Variants in TXLNA observed in about 807,000 individuals in gnomAD.
TXLNA encodes the protein taxilin alpha, also known as alpha-taxilin.
In TXLNA, 9 loss-of-function variants were observed where a neutral mutation model predicts 61.4. That is an observed-to-expected ratio of 0.15 (90% CI 0.09 to 0.26). TXLNA has a LOEUF of 0.26. Ranked by LOEUF, TXLNA falls within the 10% of genes least tolerant of loss-of-function variation. TXLNA has a pLI of 1.00. For missense variants in TXLNA, 565 were observed against 688.8 expected (o/e 0.82, Z 2.01); for synonymous variants, 257 against 267.7 (o/e 0.96, Z 0.39).
Position 32,181,483 on chromosome 1 carries a change from G to C in TXLNA, c.411G>C (p.Lys137Asn). Reference protein sequence around the residue: ...PVVNGEKEPSKGDPNTEEIRQ... With the variant: ...PVVNGEKEPSNGDPNTEEIRQ... ...TCAATGGAGAGAAGGAACCCTCCAAGGGGGATCCAAACACAGAAGAGATCC... is the reference window on the plus strand; with the variant it reads ...TCAATGGAGAGAAGGAACCCTCCAACGGGGATCCAAACACAGAAGAGATCC... The change falls in exon 3 of 11, where the codon AAG becomes AAC. Residue 137 changes from lysine to asparagine, a missense_variant. Lys to Asn is a moderately conservative substitution (Grantham distance 94). This residue lies in a region of TXLNA where 192 missense variants were observed against 184.8 expected (regional missense o/e 1.04). Transcript: ENST00000373610. 1 of 1,611,918 alleles carries C rather than the reference G, an allele frequency of 6.2e-7. No individual in the cohort carries two copies. The highest frequency in any genetic ancestry group is 8.5e-7 in the Non-Finnish European group (1 of 1,179,012).
Position 32,195,020 on chromosome 1 carries a change from G to A in TXLNA, c.1466G>A (p.Ser489Asn), listed in dbSNP as rs1315113578. The change falls in exon 11 of 11, where the codon AGT becomes AAT. Residue 489 changes from serine (S) to asparagine (N), a missense_variant. Physicochemically the swap from Ser to Asn is conservative, Grantham distance 46 (BLOSUM62 1). Transcript: ENST00000373610. ...CTGAACAAGAGGGTACAGGACCTGA[G>A]TGCTGGTGGCCAGGGCTCCCTCACT... ...NDLNKRVQDLSAGGQGSLTDS... is the reference protein window; with the variant it reads ...NDLNKRVQDLNAGGQGSLTDS... 6.2e-7 allele frequency: 1 copy of A among 1,614,078 alleles called. No individual in the cohort carries two copies. Among genetic ancestry groups the A allele is most frequent in the African/African-American group, 1.3e-5 (1 of 74,942 alleles).
chr1:32,183,184 C>T (rs1384942446), intron 3 of TXLNA, among the ~76,000 whole-genome samples: 2 of 151,968 alleles, frequency 1.3e-5, no homozygotes, highest in Middle Eastern at 3.4e-3. Flanking sequence ...AGTGCACTGG[C>T]GCGATCTCAG....
chr1:32,193,152 C>T lies in TXLNA; in HGVS notation c.1159-56C>T, dbSNP rs566674778. ...TCAAGGACGGGTCTGAGTGTGTTGA[C>T]CAGAGTGCCTCCCAGAGAAACCCAG... On this transcript the variant is annotated intron_variant, in intron 8 of 10. Coordinates refer to ENST00000373610, the MANE Select transcript of TXLNA (RefSeq NM_175852.4). 1.0e-5 allele frequency: 12 copies of T among 1,183,590 alleles called. No individual in the cohort carries two copies. In the African/African-American group the frequency reaches 1.2e-4, roughly 12 times the overall value. The allele number at this position is 1,183,590 out of a possible 1,614,324, so 73.3% of individuals were successfully genotyped here.
Position 32,196,017 on chromosome 1 carries a change from A to T in TXLNA, c.*822A>T, listed in dbSNP as rs1569639302. On this transcript the variant is annotated 3_prime_UTR_variant, in exon 11 of 11. Transcript: ENST00000373610. The stretch of plus-strand genomic sequence containing the variant: ...TCTTTTTCTTTTTTTTTTGCACATG[A>T]CAGTGTTTGTATTGAGGACCTTCCA... 1.1e-5 allele frequency: 2 copies of T among 176,872 alleles called. No individual in the cohort carries two copies. Among genetic ancestry groups the T allele is most frequent in the African/African-American group, 3.2e-5 (1 of 30,862 alleles). The allele number at this position is 176,872 out of a possible 1,614,324, so 11.0% of individuals were successfully genotyped here.
At chr1:32,190,297 T>G in intron 6 of TXLNA, 48 bp downstream of exon 6, 1 of 1,537,082 alleles carries the variant, frequency 6.5e-7, no homozygotes, top group Non-Finnish European at 8.8e-7. Flanking sequence ...TGTGAGGTTT[T>G]GAGTGTGTGC....
chr1:32,195,414 G>T lies in TXLNA; in HGVS notation c.*219G>T. On this transcript the variant is annotated 3_prime_UTR_variant, in exon 11 of 11. Coordinates refer to ENST00000373610, the MANE Select transcript of TXLNA (RefSeq NM_175852.4). ...ATTTATACCTGTAAGTGTACAGTGGGCTTGCATTGGGGATGGGGGTGTGTA... is the reference window on the plus strand; with the variant it reads ...ATTTATACCTGTAAGTGTACAGTGGTCTTGCATTGGGGATGGGGGTGTGTA... 1 of 591,910 alleles carries T rather than the reference G, an allele frequency of 1.7e-6. No individual in the cohort carries two copies. The highest frequency in any genetic ancestry group is 1.9e-5 in the African/African-American group (1 of 53,902). 36.7% of individuals were successfully genotyped at this position (591,910 alleles called of 1,614,324 possible). A position where few individuals can be genotyped will look rare whatever the true frequency, so the allele number is the denominator to read the frequency against.
chr1:32,181,152 A>G, intron 2 of TXLNA, 90 bp from the exon 3 acceptor site: 1 of 1,183,150 alleles, frequency 8.5e-7, no homozygotes, highest in Non-Finnish European at 1.1e-6. Context: ...ATTTAACTCA[A>G]ACTGATGAGT....
At chr1:32,193,043 A>G (rs970843832) in intron 8 of TXLNA, among the ~76,000 whole-genome samples, 165 bp from the exon 9 acceptor site, 2 of 152,150 alleles carry the variant, frequency 1.3e-5, no homozygotes, top group Non-Finnish European at 2.9e-5. Context: ...CAGGCTTAGC[A>G]TTTTGGATTA....
intron 2 of TXLNA, among the ~76,000 whole-genome samples, chr1:32,180,881 G>C (rs1340128558): frequency 2.6e-5 from 4 of 152,218 alleles, no homozygotes; most frequent in African/African-American, 9.7e-5. Flanking sequence ...GGGGGGGAAG[G>C]AGATGGACTA....
chr1:32,180,651 T>TC (rs1352926673), intron 2 of TXLNA, 137 bp downstream of exon 2: 2 of 1,140,884 alleles, frequency 1.8e-6, no homozygotes, highest in East Asian at 2.6e-5. Flanking sequence ...GGGGCCGCGG[T>TC]CCCCCCTGCG....
In TXLNA at chr1:32,181,553, GAGA is replaced by G. The variant is rs1381522091; in HGVS notation, c.486_488del (p.Lys164del). On this transcript the variant is annotated inframe_deletion, in exon 3 of 11. Transcript: ENST00000373610. ...AGACCGAGACCATCGAAGGCCACAG[GAGA>G]AGAAAAAAGCCAAGGGTTTGGGTGA... The G allele has an allele frequency of 2.1e-5, 33 of 1,553,314 alleles. No individual in the cohort carries two copies. The highest frequency in any genetic ancestry group is 2.7e-5 in the Non-Finnish European group (31 of 1,147,720).
At chr1:32,185,223 A>T (rs1418888133) in intron 4 of TXLNA, among the ~76,000 whole-genome samples, 2 of 152,074 alleles carry the variant, frequency 1.3e-5, no homozygotes. Flanking sequence ...ATCACAATAA[A>T]TGCAAAGCAT....
At chr1:32,190,299 A>C in intron 6 of TXLNA, 50 bp downstream of exon 6, 1 of 1,527,112 alleles carries the variant, frequency 6.5e-7, no homozygotes, top group Non-Finnish European at 8.9e-7. Context: ...TGAGGTTTTG[A>C]GTGTGTGCTA....
intron 10 of TXLNA, among the ~76,000 whole-genome samples, chr1:32,194,533 T>TG (rs1373920441): frequency 6.6e-6 from 1 of 152,182 alleles, no homozygotes; most frequent in African/African-American, 2.4e-5. Context: ...TGAAAGTTTT[T>TG]GGGTTTTTTT....
intron 8 of TXLNA, among the ~76,000 whole-genome samples, 154 bp from the exon 9 acceptor site, chr1:32,193,054 T>C (rs1642941274): frequency 6.6e-6 from 1 of 152,192 alleles, no homozygotes. Context: ...TTTTGGATTA[T>C]ATCCTTCCAA....
intron 2 of TXLNA, 140 bp downstream of exon 2, chr1:32,180,654 C>G: frequency 8.8e-7 from 1 of 1,137,634 alleles, no homozygotes; most frequent in Admixed American, 3.0e-5. Context: ...GCCGCGGTCC[C>G]CCCTGCGCTC....
intron 3 of TXLNA, among the ~76,000 whole-genome samples, chr1:32,184,231 C>T (rs1331465548): frequency 6.6e-6 from 1 of 152,158 alleles, no homozygotes; most frequent in African/African-American, 2.4e-5. Context: ...ATTGGTAGAG[C>T]AGGCAGTTTT....
intron 3 of TXLNA, 83 bp from the exon 4 acceptor site, chr1:32,184,442 C>A: frequency 1.1e-6 from 1 of 877,060 alleles, no homozygotes; most frequent in Non-Finnish European, 1.9e-6. Context: ...GGAGGGCTGT[C>A]TTCAGCACTC....
chr1:32,184,438 C>A, intron 3 of TXLNA, 87 bp from the exon 4 acceptor site: 1 of 821,978 alleles, frequency 1.2e-6, no homozygotes, highest in Non-Finnish European at 2.1e-6. Flanking sequence ...ATGGGGAGGG[C>A]TGTCTTCAGC....
Sources: allele counts gnomAD v4.1 joint callset (sites outside exome capture counted in the v4.1 genomes callset), GRCh38; gene constraint gnomAD v4.1.1; regional missense constraint gnomAD v4.1.1; transcripts MANE v1.5; gene names NCBI Gene and HGNC (gene_info 2026-07-23, HGNC 2026-07-21).